Variants in MEIKIN observed in about 807,000 individuals in gnomAD.
MEIKIN encodes meiosis-specific kinetochore protein.
chr5:131,834,641 C>T (rs540389264), intron 11 of MEIKIN, among the ~76,000 whole-genome samples: 1 of 152,244 alleles, frequency 6.6e-6, no homozygotes, highest in Admixed American at 6.5e-5. Context: ...TCATACATGT[C>T]ACCTTTCTTC....
chr5:131,852,231 T>G (rs1050615285), intron 10 of MEIKIN, among the ~76,000 whole-genome samples: 1 of 152,128 alleles, frequency 6.6e-6, no homozygotes, highest in African/African-American at 2.4e-5. Context: ...TTCTCCATAC[T>G]GTTCTGATGA....
intron 9 of MEIKIN, among the ~76,000 whole-genome samples, chr5:131,862,129 C>G (rs1490379703): frequency 6.6e-6 from 1 of 152,138 alleles, no homozygotes; most frequent in Non-Finnish European, 1.5e-5. Context: ...AATCTCACTA[C>G]TCATTATTGG....
chr5:131,813,175 T>A (rs2149600740), intron 12 of MEIKIN, among the ~76,000 whole-genome samples: 1 of 152,332 alleles, frequency 6.6e-6, no homozygotes, highest in East Asian at 1.9e-4. Flanking sequence ...CACTGCCTGC[T>A]CTGAAGATGA....
At chr5:131,928,925 T>G (rs1751636761) in intron 5 of MEIKIN, among the ~76,000 whole-genome samples, 1 of 152,256 alleles carries the variant, frequency 6.6e-6, no homozygotes, top group Admixed American at 6.5e-5. Context: ...TACTTTCATG[T>G]TACTGTTTAG....
intron 11 of MEIKIN, among the ~76,000 whole-genome samples, chr5:131,831,578 T>A (rs1244648819): frequency 6.6e-6 from 1 of 152,082 alleles, no homozygotes; most frequent in African/African-American, 2.4e-5. Context: ...AATCAATCAA[T>A]CAGGAAGTCA....
At chr5:131,840,274 T>C (rs750050926) in intron 11 of MEIKIN, among the ~76,000 whole-genome samples, 1 of 152,204 alleles carries the variant, frequency 6.6e-6, no homozygotes, top group African/African-American at 2.4e-5. Flanking sequence ...CTGACCTTTT[T>C]CTCTAGCTGC....
intron 4 of MEIKIN, among the ~76,000 whole-genome samples, chr5:131,942,112 C>T (rs1751878160): frequency 6.6e-6 from 1 of 152,164 alleles, no homozygotes; most frequent in Non-Finnish European, 1.5e-5. Context: ...CTTTTTGCTG[C>T]TCCAAATATA....
intron 12 of MEIKIN, among the ~76,000 whole-genome samples, chr5:131,809,982 C>G (rs1242664367): frequency 6.6e-6 from 1 of 152,176 alleles, no homozygotes; most frequent in African/African-American, 2.4e-5. Context: ...GTCCTCACAA[C>G]AATTCTTTGA....
intron 11 of MEIKIN, among the ~76,000 whole-genome samples, chr5:131,846,427 T>A (rs941664769): frequency 6.6e-6 from 1 of 152,242 alleles, no homozygotes; most frequent in South Asian, 2.1e-4. Context: ...GTTTTCTATA[T>A]GATTTAAGAG....
chr5:131,846,056 T>C (rs1352170691), intron 11 of MEIKIN, among the ~76,000 whole-genome samples: 2 of 152,326 alleles, frequency 1.3e-5, no homozygotes, highest in East Asian at 3.9e-4. Context: ...ACAAGGGATC[T>C]TTATAAGATA....
chr5:131,848,025 A>G (rs1750047674), intron 11 of MEIKIN, among the ~76,000 whole-genome samples: 1 of 152,160 alleles, frequency 6.6e-6, no homozygotes, highest in African/African-American at 2.4e-5. Flanking sequence ...ATTTAGTGAA[A>G]GCAGTGCTTA....
chr5:131,836,854 C>T (rs1458763752), intron 11 of MEIKIN, among the ~76,000 whole-genome samples: 2 of 151,954 alleles, frequency 1.3e-5, no homozygotes, highest in Non-Finnish European at 2.9e-5. Flanking sequence ...TGTCTGTTTA[C>T]TCTATTGATA....
At chr5:131,855,721 A>T (rs534174176) in intron 9 of MEIKIN, among the ~76,000 whole-genome samples, 1 of 152,260 alleles carries the variant, frequency 6.6e-6, no homozygotes, top group South Asian at 2.1e-4. Flanking sequence ...TTGTGAGCAG[A>T]GATTGAGAGA....
intron 5 of MEIKIN, among the ~76,000 whole-genome samples, chr5:131,924,610 T>C (rs888816968): frequency 1.3e-5 from 2 of 152,214 alleles, no homozygotes; most frequent in African/African-American, 4.8e-5. Context: ...TTGCTGGCTA[T>C]TGCTGCTGCT....
At chr5:131,906,386 G>C (rs1056767322) in intron 8 of MEIKIN, among the ~76,000 whole-genome samples, 2 of 152,182 alleles carry the variant, frequency 1.3e-5, no homozygotes, top group African/African-American at 4.8e-5. Context: ...CAAAGTTGCA[G>C]AGAAAACAGA....
Position 131,857,377 on chromosome 5 carries a change from C to T in MEIKIN, c.775-2543G>A, listed in dbSNP as rs542910738. 3.3e-5 allele frequency among the ~76,000 whole-genome samples: 5 copies of T among 152,242 alleles called. No individual in the cohort carries two copies. The East Asian group carries it at 9.7e-4, about 29-fold the overall frequency. The stretch of plus-strand genomic sequence containing the variant: ...TCGAAACACAGGTGGAGCAGGATGG[C>T]CAGGGATGCCCATCCTCCAAGGCTC... On this transcript the variant is annotated intron_variant, in intron 9 of 12. Coordinates refer to ENST00000442687, the MANE Select transcript of MEIKIN (RefSeq NM_001303622.2).
At chr5:131,941,779 C>A (rs1751873841) in intron 4 of MEIKIN, among the ~76,000 whole-genome samples, 1 of 152,164 alleles carries the variant, frequency 6.6e-6, no homozygotes, top group African/African-American at 2.4e-5. Flanking sequence ...AATTTCTAGT[C>A]TTTTCTTCAA....
At chr5:131,937,607 G>A (rs967414267) in intron 4 of MEIKIN, among the ~76,000 whole-genome samples, 11 of 151,850 alleles carry the variant, frequency 7.2e-5, no homozygotes, top group South Asian at 6.3e-4. Flanking sequence ...GTGTGTGGAT[G>A]GCATAATCAG....
At chr5:131,893,057 T>C (rs556266140) in intron 8 of MEIKIN, among the ~76,000 whole-genome samples, 16 of 152,282 alleles carry the variant, frequency 1.1e-4, no homozygotes, top group South Asian at 4.1e-4. Context: ...AATGCTGCTG[T>C]CTGATCGTTC....
Sources: allele counts gnomAD v4.1 joint callset (sites outside exome capture counted in the v4.1 genomes callset), GRCh38; gene constraint gnomAD v4.1.1; transcripts MANE v1.5; gene names NCBI Gene and HGNC (gene_info 2026-07-23, HGNC 2026-07-21).